Variants in PARD3B observed in about 807,000 individuals in gnomAD.
The protein encoded by PARD3B is par-3 family cell polarity regulator beta.
Under a neutral mutation model 130.2 loss-of-function variants are expected in PARD3B, and 103 were observed. The observed-to-expected ratio is 0.79, with a 90% CI of 0.67 to 0.93. The LOEUF (loss-of-function observed/expected upper bound fraction) is 0.93. Among genes scored for constraint, PARD3B ranks in the 40% least tolerant of loss-of-function variants. PARD3B has a pLI of 0.00. For missense variants in PARD3B, 1,609 were observed against 1,499.2 expected, an observed-to-expected ratio of 1.07 and a Z score of -1.21; for synonymous variants, 583 against 553.2, an observed-to-expected ratio of 1.05 and a Z score of -0.76.
chr2:205,075,599 A>T (rs1229766056), intron 4 of PARD3B, among the ~76,000 whole-genome samples: 1 of 151,572 alleles, frequency 6.6e-6, no homozygotes, highest in Admixed American at 6.6e-5. Context: ...AATTATTTCT[A>T]TACTTCTTAT....
At chr2:205,406,657 ATCTTTTTTTTT>A (rs2046424670) in intron 19 of PARD3B, among the ~76,000 whole-genome samples, 1 of 121,124 alleles carries the variant, frequency 8.3e-6, no homozygotes, top group African/African-American at 3.2e-5. Context: ...CTTCTTGTGT[ATCTTTTTTTTT>A]TTTTTTTTTT....
At chr2:204,787,353 T>A (rs1025610453) in intron 2 of PARD3B, among the ~76,000 whole-genome samples, 1 of 152,084 alleles carries the variant, frequency 6.6e-6, no homozygotes, top group African/African-American at 2.4e-5. Context: ...AAAATCTGCT[T>A]GCTACATATC....
intron 1 of PARD3B, among the ~76,000 whole-genome samples, chr2:204,560,303 G>A (rs1185861196): frequency 2.0e-5 from 3 of 152,172 alleles, no homozygotes; most frequent in East Asian, 3.9e-4. Context: ...GTCACATGGA[G>A]GAAGATTTAG....
chr2:204,596,762 C>G (rs1449445198), intron 1 of PARD3B, among the ~76,000 whole-genome samples: 2 of 152,092 alleles, frequency 1.3e-5, no homozygotes, highest in African/African-American at 2.4e-5. Context: ...AACCCCGTCT[C>G]TACTAAAAAT....
chr2:204,729,038 G>A (rs1245046860), intron 2 of PARD3B, among the ~76,000 whole-genome samples: 1 of 152,196 alleles, frequency 6.6e-6, no homozygotes, highest in African/African-American at 2.4e-5. Context: ...TTTGGAATAT[G>A]TTAAGTAAAG....
chr2:204,755,086 C>T (rs1049937771), intron 2 of PARD3B, among the ~76,000 whole-genome samples: 36 of 151,988 alleles, frequency 2.4e-4, no homozygotes, highest in African/African-American at 8.7e-4. Flanking sequence ...ACTGATTTCT[C>T]AAAAATGATT....
At chr2:205,605,106 G>A (rs2054934780) in intron 22 of PARD3B, among the ~76,000 whole-genome samples, 1 of 152,142 alleles carries the variant, frequency 6.6e-6, no homozygotes, top group Non-Finnish European at 1.5e-5. Context: ...AACAGCTCTT[G>A]GGATTTTTTA....
At chr2:205,401,458 C>T (rs957794448) in intron 19 of PARD3B, among the ~76,000 whole-genome samples, 2 of 152,104 alleles carry the variant, frequency 1.3e-5, no homozygotes, top group Admixed American at 1.3e-4. Flanking sequence ...ATCCAGTTCC[C>T]ATAGTCTGTT....
intron 2 of PARD3B, among the ~76,000 whole-genome samples, chr2:204,949,957 T>C (rs1260061412): frequency 6.6e-6 from 1 of 152,200 alleles, no homozygotes; most frequent in Non-Finnish European, 1.5e-5. Flanking sequence ...CTGTCCAAGA[T>C]ACAAATTAAG....
Position 205,253,535 on chromosome 2 carries a change from T to G in PARD3B, c.2185+7713T>G. The G allele has an allele frequency of 1.9e-6, 1 of 532,840 alleles. No individual in the cohort carries two copies. The allele number at this position is 532,840 out of a possible 1,614,324, so 33.0% of individuals were successfully genotyped here. On this transcript the variant is annotated intron_variant, in intron 16 of 22. Coordinates refer to ENST00000406610, the MANE Select transcript of PARD3B (RefSeq NM_001302769.2). The surrounding 1 kb of genome is among the most constrained non-coding windows in gnomAD (Gnocchi z 4.4). ...GCAGGAGAGACTCACACTGCTGTCA[T>G]GGCCCCACAGCCTGGAGCCTCCCCT...
rs1002799027 is a variant in PARD3B at position 205,352,504 on chromosome 2, C to T, written c.2631-48509C>T. ...CTGTTTAGTTATCTGGGATTTCATTCGGTTGATTAATACCTATAGGAGAAG... is the reference window on the plus strand; with the variant it reads ...CTGTTTAGTTATCTGGGATTTCATTTGGTTGATTAATACCTATAGGAGAAG... On this transcript the variant is annotated intron_variant, in intron 18 of 22. Transcript: ENST00000406610. The surrounding 1 kb of genome is among the most constrained non-coding windows in gnomAD (Gnocchi z 5.2). 1.3e-5 allele frequency among the ~76,000 whole-genome samples: 2 copies of T among 152,122 alleles called. No homozygotes were observed. The highest frequency in any genetic ancestry group is 2.9e-5 in the Non-Finnish European group (2 of 68,018).
intron 3 of PARD3B, among the ~76,000 whole-genome samples, chr2:204,995,328 C>T (rs1694075083): frequency 6.7e-6 from 1 of 148,712 alleles, no homozygotes; most frequent in Non-Finnish European, 1.5e-5. Context: ...TTTATTTCTC[C>T]TTCACTTATG....
At chr2:205,048,952 T>C (rs1422115734) in intron 4 of PARD3B, among the ~76,000 whole-genome samples, 4 of 152,228 alleles carry the variant, frequency 2.6e-5, no homozygotes, top group Non-Finnish European at 5.9e-5. Context: ...TGGTATGTGG[T>C]ATGACTTTTC....
rs543618363 is a variant in PARD3B, at chr2:205,022,722, G to A, written c.395-24859G>A. 2.6e-5 allele frequency among the ~76,000 whole-genome samples: 4 copies of A among 152,196 alleles called. No homozygotes were observed. The South Asian group carries it at 8.3e-4, about 32-fold the overall frequency. ...GTTTCACTATGTAACCTGTTTTGGG[G>A]CTCAACTCTTCATAATACGATCATT... On this transcript the variant is annotated intron_variant, in intron 3 of 22. Transcript: ENST00000406610.
intron 11 of PARD3B, among the ~76,000 whole-genome samples, chr2:205,168,227 TGAA>T (rs2034928294): frequency 6.7e-6 from 1 of 149,624 alleles, no homozygotes; most frequent in Admixed American, 6.7e-5. Flanking sequence ...GGAACATAAT[TGAA>T]GTATTTTTGC....
chr2:204,624,421 A>C (rs994170998), intron 1 of PARD3B, among the ~76,000 whole-genome samples: 1 of 152,180 alleles, frequency 6.6e-6, no homozygotes, highest in Non-Finnish European at 1.5e-5. Context: ...CTACTCAAAA[A>C]ATGAAAAAAT....
intron 2 of PARD3B, among the ~76,000 whole-genome samples, chr2:204,766,848 GGAATT>G (rs1050474083): frequency 6.6e-6 from 1 of 150,518 alleles, no homozygotes; most frequent in African/African-American, 2.4e-5. Context: ...ATTATACTGA[GGAATT>G]GATTGAGGTA....
chr2:204,730,505 A>C (rs1309525132), intron 2 of PARD3B, among the ~76,000 whole-genome samples: 1 of 151,238 alleles, frequency 6.6e-6, no homozygotes, highest in Non-Finnish European at 1.5e-5. Context: ...AAGGTGGAAG[A>C]GTACTTAGCT....
intron 22 of PARD3B, among the ~76,000 whole-genome samples, chr2:205,571,558 G>A (rs2053562245): frequency 6.6e-6 from 1 of 152,174 alleles, no homozygotes; most frequent in African/African-American, 2.4e-5. Context: ...TCAACAGGGA[G>A]AGTAAAACAA....
Sources: allele counts gnomAD v4.1 joint callset (sites outside exome capture counted in the v4.1 genomes callset), GRCh38; gene constraint gnomAD v4.1.1; non-coding constraint Gnocchi (gnomAD v3.1); transcripts MANE v1.5; gene names NCBI Gene and HGNC (gene_info 2026-07-23, HGNC 2026-07-21).